PCDHGA1: variants seen among roughly 807,000 people sequenced by gnomAD.
The protein encoded by PCDHGA1 is protocadherin gamma subfamily A, 1, also known as protocadherin gamma-A1.
PCDHGA1 carries 32 observed loss-of-function variants against 58.0 expected under a neutral mutation model. That is an observed-to-expected ratio of 0.55 (90% confidence interval 0.42 to 0.74). PCDHGA1 has a LOEUF of 0.74. PCDHGA1 is among the 30% of genes least tolerant of loss of function. The probability of loss-of-function intolerance (pLI) is 0.00; values close to 1 mark genes in which losing one functional copy is unlikely to be tolerated. For synonymous variants in PCDHGA1, 498 were observed against 501.1 expected (o/e 0.99, Z 0.08); for missense variants, 1,205 against 1,182.3 (o/e 1.02, Z -0.28).
chr5:141,450,470 A>AGTTT (rs199699353), intron 1 of PCDHGA1, among the ~76,000 whole-genome samples: 2,037 of 151,800 alleles, frequency 0.013, 39 homozygotes, highest in African/African-American at 0.044. Flanking sequence ...TTATATATAG[A>AGTTT]GTTTGTTTGT....
chr5:141,409,828 C>CG (rs2095322406), intron 1 of PCDHGA1: 1 of 1,611,010 alleles, frequency 6.2e-7, no homozygotes, highest in African/African-American at 1.3e-5. Flanking sequence ...CGCCCACGCT[C>CG]AGCGCCAACG....
At chr5:141,454,311 T>G (rs755771201) in intron 1 of PCDHGA1, among the ~76,000 whole-genome samples, 6 of 152,216 alleles carry the variant, frequency 3.9e-5, no homozygotes, top group Admixed American at 2.6e-4. Context: ...TTTCAAAGCA[T>G]TGAAACCTCC....
chr5:141,402,872 T>A, intron 1 of PCDHGA1: 1 of 1,455,372 alleles, frequency 6.9e-7, no homozygotes, highest in Non-Finnish European at 9.1e-7. Flanking sequence ...AAGATCACCA[T>A]ACTTTGCAGG....
chr5:141,375,411 C>T lies in PCDHGA1; in HGVS notation c.2421+42306C>T, dbSNP rs73265852. Reference sequence around the variant, plus strand: ...GAAACAATCATCTCTCTAAATGTGGCAGACACCAACGACAACCCGCCCACC... The same window carrying T: ...GAAACAATCATCTCTCTAAATGTGGTAGACACCAACGACAACCCGCCCACC... On this transcript the variant is annotated intron_variant, in intron 1 of 3. Coordinates refer to ENST00000517417, the MANE Select transcript of PCDHGA1 (RefSeq NM_018912.3). 1.5e-3 allele frequency: 2,401 copies of T among 1,613,970 alleles called. 32 individuals are homozygous for T. In the African/African-American group the frequency reaches 0.028, roughly 19 times the overall value.
intron 1 of PCDHGA1, chr5:141,390,308 T>A (rs768472507): frequency 1.2e-6 from 2 of 1,613,092 alleles, no homozygotes; most frequent in African/African-American, 2.7e-5. Context: ...TATAATTTAA[T>A]GCTCATTGCC....
chr5:141,365,656 AGCAGAC>A (rs528991261), intron 1 of PCDHGA1: 1 of 1,613,518 alleles, frequency 6.2e-7, no homozygotes, highest in Non-Finnish European at 8.5e-7. Context: ...CCTTGAAAGT[AGCAGAC>A]GTTAATGACA....
intron 1 of PCDHGA1, chr5:141,403,407 A>T (rs2094404225): frequency 6.2e-7 from 1 of 1,613,940 alleles, no homozygotes. Context: ...GGAGCACGTT[A>T]TCCACTTCCA....
chr5:141,362,144 A>G lies in PCDHGA1; in HGVS notation c.2421+29039A>G, dbSNP rs1310397180. 5 of 1,614,008 alleles carry G rather than the reference A, an allele frequency of 3.1e-6. 1 individual carries two copies. In the South Asian group the frequency reaches 5.5e-5, roughly 18 times the overall value. ...CTAATCTTCGCGGATAGCCTGCAAGAGGTATTGCCAGACCTCAGCGACCGC... is the reference window on the plus strand; with the variant it reads ...CTAATCTTCGCGGATAGCCTGCAAGGGGTATTGCCAGACCTCAGCGACCGC... On this transcript the variant is annotated intron_variant, in intron 1 of 3. Coordinates refer to ENST00000517417, the MANE Select transcript of PCDHGA1 (RefSeq NM_018912.3).
intron 1 of PCDHGA1, among the ~76,000 whole-genome samples, chr5:141,463,534 C>T (rs866525322): frequency 2.6e-4 from 39 of 148,938 alleles, no homozygotes; most frequent in Admixed American, 7.5e-4. Flanking sequence ...CTAGAAACTC[C>T]GGCTCCCGGG....
rs936419038 is a variant in PCDHGA1 at position 141,493,313 on chromosome 5, G to T, written c.2422-1494G>T. On this transcript the variant is annotated intron_variant, in intron 1 of 3. Transcript: ENST00000517417. This position sits in a 1 kb window ranked among gnomAD's most constrained non-coding sequence, Gnocchi z 4.3. ...TCAAGTTCACAGAGCAAGTAAGAGA[G>T]ATTCTAACCCCTGTCTAACTCCAGA... Among the ~76,000 whole-genome samples, 4 of 152,214 alleles carry T rather than the reference G, an allele frequency of 2.6e-5. No individual in the cohort carries two copies. Among genetic ancestry groups the T allele is most frequent in the Non-Finnish European group, 4.4e-5 (3 of 68,040 alleles).
chr5:141,422,310 T>A, intron 1 of PCDHGA1: 1 of 1,546,532 alleles, frequency 6.5e-7, no homozygotes, highest in Non-Finnish European at 8.7e-7. Flanking sequence ...TGGAAAACTC[T>A]CCTCCAGGTA....
chr5:141,344,770 A>C (rs1199721120), intron 1 of PCDHGA1: 1 of 1,613,984 alleles, frequency 6.2e-7, no homozygotes, highest in Non-Finnish European at 8.5e-7. Context: ...ACTCAGCCTG[A>C]GTACCGTGTG....
At chr5:141,385,042 A>C (rs1308417984) in intron 1 of PCDHGA1, 1 of 1,614,150 alleles carries the variant, frequency 6.2e-7, no homozygotes, top group Non-Finnish European at 8.5e-7. Flanking sequence ...GCTGGCGCTC[A>C]GGCTGCGGCG....
intron 2 of PCDHGA1, among the ~76,000 whole-genome samples, chr5:141,500,935 C>A (rs1159997919): frequency 1.3e-5 from 2 of 151,694 alleles, no homozygotes; most frequent in Non-Finnish European, 2.9e-5. Flanking sequence ...GTGGCGCCAT[C>A]TCGGCTCACT....
Position 141,431,180 on chromosome 5 carries a change from A to C in PCDHGA1, c.2422-63627A>C. The C allele has an allele frequency of 6.2e-7, 1 of 1,614,246 alleles. No homozygotes were observed. The highest frequency in any genetic ancestry group is 8.5e-7 in the Non-Finnish European group (1 of 1,180,044). On this transcript the variant is annotated intron_variant, in intron 1 of 3. Transcript: ENST00000517417. This position sits in a 1 kb window ranked among gnomAD's most constrained non-coding sequence, Gnocchi z 4.8. ...CTTTCGTGAAAGTGAATTAGAAATA[A>C]AAATTAGTGAAAATGCAGCCACTGA...
intron 1 of PCDHGA1, among the ~76,000 whole-genome samples, chr5:141,436,677 G>T (rs966497986): frequency 2.2e-4 from 33 of 152,278 alleles, no homozygotes; most frequent in Non-Finnish European, 2.9e-5. Flanking sequence ...CCAAAAAAAG[G>T]ATTTATATTT....
At chr5:141,339,019 G>T in intron 1 of PCDHGA1, 1 of 1,590,598 alleles carries the variant, frequency 6.3e-7, no homozygotes, top group South Asian at 1.1e-5. Context: ...TGGTCCTGCT[G>T]TGCTTCCTTT....
In PCDHGA1 at chr5:141,414,961, G is replaced by A. The variant is rs1357376957; in HGVS notation, c.2422-79846G>A. Reference sequence around the variant, plus strand: ...GCCCGGCTACCTGGTGACCAAGGTGGTGGCGGTGGACAGAGACTCCGGCCA... The same window carrying A: ...GCCCGGCTACCTGGTGACCAAGGTGATGGCGGTGGACAGAGACTCCGGCCA... On this transcript the variant is annotated intron_variant, in intron 1 of 3. Transcript: ENST00000517417. 2.5e-6 allele frequency: 4 copies of A among 1,614,028 alleles called. No individual in the cohort carries two copies. In the Admixed American group the frequency reaches 6.7e-5, roughly 27 times the overall value.
At chr5:141,383,501 A>G in intron 1 of PCDHGA1, 1 of 1,612,940 alleles carries the variant, frequency 6.2e-7, no homozygotes. Context: ...CGGGTGCTGG[A>G]CCGGGAGGAA....
Sources: gnomAD v4.1 joint callset for allele counts (sites outside exome capture counted in the v4.1 genomes callset) on GRCh38, gnomAD v4.1.1 for gene constraint, Gnocchi (gnomAD v3.1) non-coding constraint, MANE v1.5 for transcripts, NCBI Gene and HGNC (gene_info 2026-07-23, HGNC 2026-07-21) for gene names.